The following TANGO6 variants were observed in gnomAD, a reference collection of about 807,000 sequenced individuals.
TANGO6 encodes transport and golgi organization 6 homolog.
TANGO6 carries 90 observed loss-of-function variants against 114.2 expected under a neutral mutation model. The observed-to-expected ratio is 0.79, with a 90% CI of 0.66 to 0.94. The LOEUF is 0.94. Ranked by LOEUF, TANGO6 falls within the 40% of genes least tolerant of loss-of-function variation. The probability of loss-of-function intolerance (pLI) is 0.00; values close to 1 mark genes in which losing one functional copy is unlikely to be tolerated. For synonymous variants in TANGO6, 477 were observed against 509.8 expected, an observed-to-expected ratio of 0.94 and a Z score of 0.87; for missense variants, 1,274 against 1,315.3, an observed-to-expected ratio of 0.97 and a Z score of 0.49.
intron 7 of TANGO6, among the ~76,000 whole-genome samples, chr16:68,891,343 C>G (rs1446070632): frequency 6.6e-6 from 1 of 151,288 alleles, no homozygotes; most frequent in African/African-American, 2.4e-5. Context: ...ATCTGTAATC[C>G]CAGCTACTCG....
chr16:69,043,704 T>C (rs1375880961), intron 17 of TANGO6, among the ~76,000 whole-genome samples: 7 of 152,170 alleles, frequency 4.6e-5, no homozygotes, highest in Admixed American at 4.6e-4. Flanking sequence ...CCACAAAGCT[T>C]TCAATCTGGA....
At chr16:68,949,825 GTTTATA>G (rs939382772) in intron 14 of TANGO6, among the ~76,000 whole-genome samples, 4 of 150,886 alleles carry the variant, frequency 2.7e-5, no homozygotes, top group Non-Finnish European at 4.4e-5. Context: ...CCACACAAAA[GTTTATA>G]TTTATATATA....
intron 9 of TANGO6, among the ~76,000 whole-genome samples, chr16:68,905,696 A>C (rs879430312): frequency 3.3e-5 from 5 of 151,842 alleles, no homozygotes; most frequent in Non-Finnish European, 5.9e-5. Context: ...ATGTGGCAAA[A>C]CCCGGTTTCT....
At chr16:69,046,063 CAAAAAAAA>C (rs61017260) in intron 17 of TANGO6, among the ~76,000 whole-genome samples, 1 of 95,956 alleles carries the variant, frequency 1.0e-5, no homozygotes, top group Non-Finnish European at 2.0e-5. Context: ...GACTCCAACT[CAAAAAAAA>C]AAAAAAAAAA....
In TANGO6 at chr16:68,875,150, C is replaced by G; in HGVS notation, c.995-4C>G. On this transcript the variant is annotated splice_region_variant and splice_polypyrimidine_tract_variant and intron_variant, in intron 4 of 17. Coordinates refer to ENST00000261778, the MANE Select transcript of TANGO6 (RefSeq NM_024562.2). ...GCTGCTAACATCTCTCTCCATTGTG[C>G]CAGCGGGAGCAGCTGGTGGAAGTGA... 1 of 1,610,420 alleles carries G rather than the reference C, an allele frequency of 6.2e-7. No homozygotes were observed. The highest frequency in any genetic ancestry group is 8.5e-7 in the Non-Finnish European group (1 of 1,177,408).
At chr16:68,985,941 T>C (rs78845746) in intron 15 of TANGO6, among the ~76,000 whole-genome samples, 2,679 of 152,166 alleles carry the variant, frequency 0.018, 31 homozygotes, top group Non-Finnish European at 0.028. Flanking sequence ...ATCTCCAAAA[T>C]GTGCAGCTTT....
rs71148961 is a variant in TANGO6, at chr16:69,056,997, C to CTTTTTTT, written c.3108+16599_3108+16605dup. ...GCCCAGCCTTGAATGGCCTGATTTT[C>CTTTTTTT]TTTTTTTTTTTTTTTTTTTTTTTTT... On this transcript the variant is annotated intron_variant, in intron 17 of 17. Transcript: ENST00000261778. 1.9e-3 allele frequency among the ~76,000 whole-genome samples: 115 copies of CTTTTTTT among 59,872 alleles called. 5 individuals are homozygous for CTTTTTTT. Among genetic ancestry groups the CTTTTTTT allele is most frequent in the African/African-American group, 2.5e-3 (37 of 14,776 alleles). The allele number at this position is 59,872 out of a possible 152,430, so 39.3% of individuals were successfully genotyped here. A position where few individuals can be genotyped will look rare whatever the true frequency, so the allele number is the denominator to read the frequency against.
chr16:68,980,554 C>T (rs117866895), intron 15 of TANGO6, among the ~76,000 whole-genome samples: 7,461 of 151,008 alleles, frequency 0.049, 216 homozygotes, highest in Non-Finnish European at 0.07. Flanking sequence ...TGCACACGAG[C>T]CACTGCACCT....
intron 14 of TANGO6, among the ~76,000 whole-genome samples, chr16:68,959,353 C>A (rs1963565993): frequency 6.6e-6 from 1 of 152,030 alleles, no homozygotes; most frequent in Non-Finnish European, 1.5e-5. Flanking sequence ...CTTTGGGAGG[C>A]CAAGGTGGGT....
intron 17 of TANGO6, among the ~76,000 whole-genome samples, chr16:69,046,901 G>C (rs1224114574): frequency 6.6e-6 from 1 of 152,138 alleles, no homozygotes; most frequent in African/African-American, 2.4e-5. Flanking sequence ...TTTAGGCCAG[G>C]CGTGGTGGCT....
intron 11 of TANGO6, among the ~76,000 whole-genome samples, chr16:68,911,415 C>CCTT (rs1567537968): frequency 7.5e-6 from 1 of 133,622 alleles, no homozygotes. Flanking sequence ...TTTATAGTTT[C>CCTT]TTTTTTTTTT....
chr16:69,043,782 G>T (rs1203433329), intron 17 of TANGO6, among the ~76,000 whole-genome samples: 1 of 152,188 alleles, frequency 6.6e-6, no homozygotes, highest in Non-Finnish European at 1.5e-5. Context: ...TGTTGATGAA[G>T]TTCTGTGTTT....
At chr16:68,914,383 A>T (rs1373365010) in intron 11 of TANGO6, among the ~76,000 whole-genome samples, 1 of 152,106 alleles carries the variant, frequency 6.6e-6, no homozygotes, top group Non-Finnish European at 1.5e-5. Flanking sequence ...GCTGGTCTCA[A>T]ACTCCCGACC....
chr16:68,913,963 C>A (rs1962964144), intron 11 of TANGO6, among the ~76,000 whole-genome samples: 1 of 152,118 alleles, frequency 6.6e-6, no homozygotes, highest in South Asian at 2.1e-4. Context: ...GGACTCTGAA[C>A]TGGGTGGGAG....
intron 15 of TANGO6, among the ~76,000 whole-genome samples, chr16:68,983,175 C>T (rs943990038): frequency 3.1e-4 from 47 of 152,070 alleles, no homozygotes; most frequent in Admixed American, 3.1e-3. Flanking sequence ...TTGTATGTGG[C>T]TCTCATTTGG....
At chr16:68,934,962 G>C (rs1963285977) in intron 14 of TANGO6, among the ~76,000 whole-genome samples, 1 of 152,112 alleles carries the variant, frequency 6.6e-6, no homozygotes, top group African/African-American at 2.4e-5. Context: ...TGGTGATGAA[G>C]AACATGAGGG....
At chr16:68,860,889 G>A (rs1431655344) in intron 2 of TANGO6, among the ~76,000 whole-genome samples, 1 of 152,198 alleles carries the variant, frequency 6.6e-6, no homozygotes, top group Non-Finnish European at 1.5e-5. Context: ...CCAATCTCTA[G>A]TAGTGATAAT....
intron 7 of TANGO6, among the ~76,000 whole-genome samples, chr16:68,891,744 G>T (rs1332217974): frequency 6.6e-6 from 1 of 151,476 alleles, no homozygotes; most frequent in Non-Finnish European, 1.5e-5. Context: ...TGCTCTGTTA[G>T]TTAGCACTGA....
intron 8 of TANGO6, among the ~76,000 whole-genome samples, chr16:68,901,692 TG>T (rs1962787710): frequency 6.6e-6 from 1 of 152,142 alleles, no homozygotes; most frequent in Non-Finnish European, 1.5e-5. Context: ...TTTCACCATG[TG>T]GCCAGCCTGG....
Sources: gnomAD v4.1 joint callset for allele counts (sites outside exome capture counted in the v4.1 genomes callset) on GRCh38, gnomAD v4.1.1 for gene constraint, MANE v1.5 for transcripts, NCBI Gene and HGNC (gene_info 2026-07-23, HGNC 2026-07-21) for gene names.